KLHL33: variants seen among roughly 807,000 people sequenced by gnomAD.
KLHL33 encodes the protein kelch-like protein 33.
KLHL33 carries 46 observed loss-of-function variants against 60.8 expected under a neutral mutation model. The observed-to-expected ratio is 0.76, with a 90% CI of 0.60 to 0.97. KLHL33 has a LOEUF of 0.97. Ranked by LOEUF, KLHL33 falls within the 50% of genes least tolerant of loss-of-function variation. The probability of loss-of-function intolerance (pLI) is 0.00; values close to 1 mark genes in which losing one functional copy is unlikely to be tolerated. For missense variants in KLHL33, 1,055 were observed against 1,000.0 expected, an observed-to-expected ratio of 1.05 and a Z score of -0.74; for synonymous variants, 434 against 432.2, an observed-to-expected ratio of 1.00 and a Z score of -0.05.
chr14:20,432,926 A>AAAAGAAAGAAGAAAGAAAG (rs545614220), intron 2 of KLHL33, among the ~76,000 whole-genome samples: 3 of 104,672 alleles, frequency 2.9e-5, no homozygotes, highest in East Asian at 5.5e-4. Context: ...CATCTCAAAA[A>AAAAGAAAGAAGAAAGAAAG]AAAGAAAGAA....
chr14:20,431,349 C>T (rs534819590), intron 2 of KLHL33, among the ~76,000 whole-genome samples: 8 of 152,320 alleles, frequency 5.3e-5, no homozygotes, highest in African/African-American at 1.7e-4. Flanking sequence ...GCATAACCCT[C>T]TCCTGTTCTT....
In KLHL33 at chr14:20,430,305, T is replaced by G. The variant is rs777568216; in HGVS notation, c.1163A>C (p.Asp388Ala). The G allele has an allele frequency of 2.1e-5, 33 of 1,551,610 alleles. No individual in the cohort carries two copies. The South Asian group carries it at 3.8e-4, about 18-fold the overall frequency. Residue 388 changes from aspartate (D) to alanine (A), a missense_variant, in exon 3 of 5, where the codon GAT becomes GCT. Coordinates refer to ENST00000636854, the MANE Select transcript of KLHL33 (RefSeq NM_001365790.2). ...CTCCTGCACATGGAGCTCATCACTATCCAGGAGCTCAGCCAAGCAGGCAGC... is the reference window on the plus strand; with the variant it reads ...CTCCTGCACATGGAGCTCATCACTAGCCAGGAGCTCAGCCAAGCAGGCAGC... The part of the protein sequence containing the change: ...LPAACLAELL[D>A]SDELHVQEEF...
chr14:20,430,244 C>T lies in KLHL33; in HGVS notation c.1224G>A (p.Leu408=). 1 of 1,551,618 alleles carries T rather than the reference C, an allele frequency of 6.4e-7. No individual in the cohort carries two copies. Among genetic ancestry groups the T allele is most frequent in the Non-Finnish European group, 8.7e-7 (1 of 1,146,994 alleles). ...FEAFVAARCW[L]AANPETQESE... is the part of the protein sequence containing the mutation. ...ACTCCTGGGTCTCGGGGTTGGCAGC[C>T]AGCCAACACCGTGCAGCCACAAAGG... is the stretch of plus-strand genomic sequence containing the variant. Residue 408 remains leucine, a synonymous_variant, in exon 3 of 5, where the codon CTG becomes CTA. Transcript: ENST00000636854.
Position 20,429,969 on chromosome 14 carries a change from C to T in KLHL33, c.1499G>A (p.Arg500Gln), listed in dbSNP as rs909833622. Residue 500 changes from arginine to glutamine, a missense_variant, in exon 3 of 5, where the codon CGG becomes CAG. By Grantham distance (43) the Arg-to-Gln change is conservative (BLOSUM62 1). Transcript: ENST00000636854. ...RQPSRAVWWA[R>Q]AFRCGVGLVR... ...CAGTCCCACGCCACAGCGGAAGGCCCGGGCCCACCACACTGCTCGGGATGG... is the reference window on the plus strand; with the variant it reads ...CAGTCCCACGCCACAGCGGAAGGCCTGGGCCCACCACACTGCTCGGGATGG... The T allele has an allele frequency of 9.7e-6, 15 of 1,551,710 alleles. No homozygotes were observed. The highest frequency in any genetic ancestry group is 2.4e-5 in the South Asian group (2 of 84,064).
Position 20,435,685 on chromosome 14 carries a change from CG to C in KLHL33, c.126del (p.Asp42GlufsTer31), listed in dbSNP as rs1880672534. 3 of 1,234,752 alleles carry C rather than the reference CG, an allele frequency of 2.4e-6. No individual in the cohort carries two copies. In the South Asian group the frequency reaches 1.2e-4, roughly 51 times the overall value. The allele number at this position is 1,234,752 out of a possible 1,614,324, so 76.5% of individuals were successfully genotyped here. ...GGAAAGGAAGGCAATCTGGGATCCT[CG>C]TCGGGGGAGGGAGGCCAGGAAGGGG... ...QRTPSWPPSP[D>X]EDPRLPSFPL... On this transcript the variant is annotated frameshift_variant, in exon 2 of 5. Coordinates refer to ENST00000636854, the MANE Select transcript of KLHL33 (RefSeq NM_001365790.2). LOFTEE classifies it high-confidence loss of function.
Position 20,429,944 on chromosome 14 carries a change from C to A in KLHL33, c.1524G>T (p.Leu508=). 1.9e-6 allele frequency: 3 copies of A among 1,551,716 alleles called. No individual in the cohort carries two copies. Among genetic ancestry groups the A allele is most frequent in the Non-Finnish European group, 2.6e-6 (3 of 1,147,012 alleles). ...GCTGCCCCCACTCAACAGTTCGTAC[C>A]AGTCCCACGCCACAGCGGAAGGCCC... The part of the protein sequence containing the change: ...WARAFRCGVG[L]VRTVEWGQLP... Residue 508 remains leucine (L), a synonymous_variant, in exon 3 of 5, where the codon CTG becomes CTT. Transcript: ENST00000636854.
In KLHL33 at chr14:20,435,191, G is replaced by A. The variant is rs1451243583; in HGVS notation, c.621C>T (p.Ala207=). 5 of 1,234,180 alleles carry A rather than the reference G, an allele frequency of 4.1e-6. No individual in the cohort carries two copies. The highest frequency in any genetic ancestry group is 5.1e-6 in the Non-Finnish European group (5 of 988,146). 76.5% of individuals were successfully genotyped at this position (1,234,180 alleles called of 1,614,324 possible). A position where few individuals can be genotyped will look rare whatever the true frequency, so the allele number is the denominator to read the frequency against. ...GGCTGGGCTTCTTTACATCTTCCCTGGCATTTCCAGCCCTCTCGCATGTCT... is the reference window on the plus strand; with the variant it reads ...GGCTGGGCTTCTTTACATCTTCCCTAGCATTTCCAGCCCTCTCGCATGTCT... The part of the protein sequence containing the change: ...AQQTCERAGN[A]REDVKKPSQA... Residue 207 remains alanine, a synonymous_variant, in exon 2 of 5, where the codon GCC becomes GCT. Transcript: ENST00000636854.
In KLHL33 at chr14:20,426,742, T is replaced by C. The variant is rs1175541786; in HGVS notation, c.*2107A>G. 1.3e-5 allele frequency: 2 copies of C among 152,140 alleles called. No homozygotes were observed. The highest frequency in any genetic ancestry group is 2.1e-4 in the South Asian group (1 of 4,826). The allele number at this position is 152,140 out of a possible 1,614,324, so 9.4% of individuals were successfully genotyped here. The stretch of plus-strand genomic sequence containing the variant: ...AAAGACACATGCACACATATGTTTA[T>C]TGCATCACTATTCACAATAGCAAAG... On this transcript the variant is annotated 3_prime_UTR_variant, in exon 5 of 5. Coordinates refer to ENST00000636854, the MANE Select transcript of KLHL33 (RefSeq NM_001365790.2).
At chr14:20,432,879 G>A (rs375886712) in intron 2 of KLHL33, among the ~76,000 whole-genome samples, 139 of 147,556 alleles carry the variant, frequency 9.4e-4, no homozygotes, top group Middle Eastern at 3.7e-3. Flanking sequence ...CCGAGATCGT[G>A]CCATTGTACT....
Position 20,429,176 on chromosome 14 carries a change from C to G in KLHL33, c.2067G>C (p.Gly689=). 6.4e-7 allele frequency: 1 copy of G among 1,551,686 alleles called. No homozygotes were observed. Among genetic ancestry groups the G allele is most frequent in the Non-Finnish European group, 8.7e-7 (1 of 1,146,978 alleles). The change falls in exon 5 of 5, where the codon GGG becomes GGC. Residue 689 remains glycine (G), a synonymous_variant. Transcript: ENST00000636854. ...TTAGCAGGTCCTCAGTCTCACCCAG[C>G]CCACCTGCCACATACAACCTCCCAC... ...ALGGRLYVAG[G]LGETEDLLSF... is the part of the protein sequence containing the mutation.
chr14:20,425,883 G>C lies in KLHL33; in HGVS notation c.*2966C>G, dbSNP rs1049466161. On this transcript the variant is annotated 3_prime_UTR_variant, in exon 5 of 5. Coordinates refer to ENST00000636854, the MANE Select transcript of KLHL33 (RefSeq NM_001365790.2). ...CACTATGAAACCTTTATTTAAGTCTGCCTTTAGGTACAAATCACAAAAAAT... is the reference window on the plus strand; with the variant it reads ...CACTATGAAACCTTTATTTAAGTCTCCCTTTAGGTACAAATCACAAAAAAT... 8 of 152,174 alleles carry C rather than the reference G, an allele frequency of 5.3e-5. No individual in the cohort carries two copies. Among genetic ancestry groups the C allele is most frequent in the African/African-American group, 1.9e-4 (8 of 41,436 alleles). The allele number at this position is 152,174 out of a possible 1,614,324, so 9.4% of individuals were successfully genotyped here. A position where few individuals can be genotyped will look rare whatever the true frequency, so the allele number is the denominator to read the frequency against.
chr14:20,436,109 C>T lies in KLHL33; in HGVS notation c.-30G>A, dbSNP rs543415738. ...CATCCTTTTAGTCACCCTCAGGAGA[C>T]ACCAGCGTTCCGCTTGCCCTCTCAC... On this transcript the variant is annotated 5_prime_UTR_variant, in exon 1 of 5. Coordinates refer to ENST00000636854, the MANE Select transcript of KLHL33 (RefSeq NM_001365790.2). 146 of 252,486 alleles carry T rather than the reference C, an allele frequency of 5.8e-4. No individual in the cohort carries two copies. The Admixed American group carries it at 7.9e-3, about 14-fold the overall frequency. 15.6% of individuals were successfully genotyped at this position (252,486 alleles called of 1,614,324 possible).
chr14:20,432,318 G>GT (rs1480102730), intron 2 of KLHL33, among the ~76,000 whole-genome samples: 1 of 151,930 alleles, frequency 6.6e-6, no homozygotes, highest in East Asian at 1.9e-4. Context: ...TCGCCATGTT[G>GT]GACAGGCTAA....
rs1413724030 is a variant in KLHL33 at position 20,435,389 on chromosome 14, C to G, written c.423G>C (p.Arg141Ser). 1.6e-6 allele frequency: 2 copies of G among 1,234,362 alleles called. No homozygotes were observed. The highest frequency in any genetic ancestry group is 2.0e-6 in the Non-Finnish European group (2 of 988,166). The allele number at this position is 1,234,362 out of a possible 1,614,324, so 76.5% of individuals were successfully genotyped here. A position where few individuals can be genotyped will look rare whatever the true frequency, so the allele number is the denominator to read the frequency against. The stretch of plus-strand genomic sequence containing the variant: ...GCCGCGGACCTCCGCCGCCCAGCAG[C>G]CTGTCTCGGAAGAGGCTGCTGATTG... ...LAAISSLFRD[R>S]LLGGGGPRPP... The change falls in exon 2 of 5, where the codon AGG becomes AGC. Residue 141 changes from arginine (R) to serine (S), a missense_variant. Transcript: ENST00000636854.
At position 20,426,854 on chromosome 14, in the gene KLHL33, A is replaced by G. The variant is rs943555934; in HGVS notation, c.*1995T>C. ...ACACCATGGAATACTATGCAGCCAT[A>G]AAAAATGATGAGTTCATGTCCTTTG... is the stretch of plus-strand genomic sequence containing the variant. On this transcript the variant is annotated 3_prime_UTR_variant, in exon 5 of 5. Coordinates refer to ENST00000636854, the MANE Select transcript of KLHL33 (RefSeq NM_001365790.2). The G allele has an allele frequency of 1.1e-4, 16 of 152,080 alleles. No individual in the cohort carries two copies. Among genetic ancestry groups the G allele is most frequent in the African/African-American group, 3.9e-4 (16 of 41,380 alleles). The allele number at this position is 152,080 out of a possible 1,614,324, so 9.4% of individuals were successfully genotyped here.
rs1245615040 is a variant in KLHL33, at chr14:20,426,657, T to A, written c.*2192A>T. ...CAGGGACCTAGAACTAGAAATACCA[T>A]TTGACCCAGCCATCCCATTACTGGG... is the stretch of plus-strand genomic sequence containing the variant. On this transcript the variant is annotated 3_prime_UTR_variant, in exon 5 of 5. Transcript: ENST00000636854. The A allele has an allele frequency of 6.6e-6, 1 of 152,014 alleles. No individual in the cohort carries two copies. The highest frequency in any genetic ancestry group is 1.5e-5 in the Non-Finnish European group (1 of 67,996). The allele number at this position is 152,014 out of a possible 1,614,324, so 9.4% of individuals were successfully genotyped here. A position where few individuals can be genotyped will look rare whatever the true frequency, so the allele number is the denominator to read the frequency against.
chr14:20,435,896 T>G, intron 1 of KLHL33, 66 bp from the exon 2 acceptor site: 1 of 1,144,370 alleles, frequency 8.7e-7, no homozygotes, highest in Non-Finnish European at 1.1e-6. Flanking sequence ...AGAGCAACCA[T>G]GTCTCCAGCC....
chr14:20,432,946 G>GAAAGAAAGAAAGAAAGAAAT (rs1277523655), intron 2 of KLHL33, among the ~76,000 whole-genome samples: 1 of 149,342 alleles, frequency 6.7e-6, no homozygotes, highest in Non-Finnish European at 1.5e-5. Flanking sequence ...AAGAAAGAAA[G>GAAAGAAAGAAAGAAAGAAAT]AAAGAAAGAA....
In KLHL33 at chr14:20,428,860, G is replaced by T. The variant is rs749850553; in HGVS notation, c.2383C>A (p.Pro795Thr). 12 of 1,550,370 alleles carry T rather than the reference G, an allele frequency of 7.7e-6. No homozygotes were observed. Among genetic ancestry groups the T allele is most frequent in the Non-Finnish European group, 9.6e-6 (11 of 1,145,972 alleles). Residue 795 changes from proline to threonine, a missense_variant, in exon 5 of 5, where the codon CCT (proline) becomes ACT (threonine). Coordinates refer to ENST00000636854, the MANE Select transcript of KLHL33 (RefSeq NM_001365790.2). ...CTGTTGCTCCCTCTTCACCCAGCAGGTTTGGTTTGGTGTGGGGTGGGAACC... is the reference window on the plus strand; with the variant it reads ...CTGTTGCTCCCTCTTCACCCAGCAGTTTTGGTTTGGTGTGGGGTGGGAACC... Reference protein sequence around the residue: ...ALVPTPHQTKPAG With the variant: ...ALVPTPHQTKTAG
Sources: allele counts gnomAD v4.1 joint callset (sites outside exome capture counted in the v4.1 genomes callset), GRCh38; gene constraint gnomAD v4.1.1; transcripts MANE v1.5; gene names NCBI Gene and HGNC (gene_info 2026-07-23, HGNC 2026-07-21).